Variants in ADAMTSL2 observed in about 807,000 individuals in gnomAD.
ADAMTSL2 encodes ADAMTS like 2.
In ADAMTSL2, 55 loss-of-function variants were observed where a neutral mutation model predicts 117.0. The observed-to-expected ratio is 0.47, with a 90% CI of 0.38 to 0.59. The LOEUF is 0.59. Ranked by LOEUF, ADAMTSL2 falls within the 20% of genes least tolerant of loss-of-function variation. ADAMTSL2 has a pLI of 0.00. For synonymous variants in ADAMTSL2, 572 were observed against 566.4 expected (o/e 1.01, Z -0.14); for missense variants, 1,182 against 1,354.5 (o/e 0.87, Z 2.00).
chr9:133,563,159 A>G (rs111381140), intron 12 of ADAMTSL2, among the ~76,000 whole-genome samples: 4 of 152,366 alleles, frequency 2.6e-5, no homozygotes, highest in African/African-American at 7.2e-5. Context: ...ATCCACATGA[A>G]ACAAGGAATA....
Position 133,537,503 on chromosome 9 carries a change from C to CG in ADAMTSL2, c.194dup (p.Gly66TrpfsTer74). On this transcript the variant is annotated frameshift_variant, in exon 3 of 19. Transcript: ENST00000651351. LOFTEE classifies it high-confidence loss of function. The stretch of plus-strand genomic sequence containing the variant: ...AGTGGACGGCGTGTTCCCGCAGTTG[C>CG]GGGGGTGGGGTGACATCCCAGGAGC... 2 of 1,349,610 alleles carry CG rather than the reference C, an allele frequency of 1.5e-6. No individual in the cohort carries two copies. The highest frequency in any genetic ancestry group is 4.8e-5 in the South Asian group (2 of 41,872). 83.6% of individuals were successfully genotyped at this position (1,349,610 alleles called of 1,614,324 possible). A position where few individuals can be genotyped will look rare whatever the true frequency, so the allele number is the denominator to read the frequency against.
chr9:133,570,566 G>A (rs1465631468), intron 17 of ADAMTSL2, 59 bp downstream of exon 17: 103 of 1,543,712 alleles, frequency 6.7e-5, no homozygotes, highest in Non-Finnish European at 8.3e-5. Context: ...TGTCGATCCC[G>A]CCCCTCCCGC....
intron 7 of ADAMTSL2, among the ~76,000 whole-genome samples, 167 bp downstream of exon 7, chr9:133,541,168 G>A (rs1830214286): frequency 6.6e-6 from 1 of 152,170 alleles, no homozygotes. Flanking sequence ...GTGATTGTAG[G>A]CCTCCGTTGG....
chr9:133,571,319 A>C (rs6606352), intron 17 of ADAMTSL2, among the ~76,000 whole-genome samples: 95,383 of 151,974 alleles, frequency 0.63, 31,219 homozygotes, highest in African/African-American at 0.76. Flanking sequence ...TGTCCATGGC[A>C]CTAGAGTGAA....
chr9:133,539,151 G>GT (rs1416804150), intron 4 of ADAMTSL2, among the ~76,000 whole-genome samples: 1 of 152,176 alleles, frequency 6.6e-6, no homozygotes, highest in African/African-American at 2.4e-5. Flanking sequence ...CACCGCTTCT[G>GT]TGTTGGCGTC....
chr9:133,547,239 C>G, intron 9 of ADAMTSL2, 26 bp downstream of exon 9: 1 of 1,602,664 alleles, frequency 6.2e-7, no homozygotes, highest in Non-Finnish European at 8.5e-7. Context: ...GCCTTGGGGG[C>G]CCCAGGGGCC....
chr9:133,549,704 A>G (rs1263679832), intron 9 of ADAMTSL2, among the ~76,000 whole-genome samples: 1 of 152,096 alleles, frequency 6.6e-6, no homozygotes, highest in Non-Finnish European at 1.5e-5. Context: ...TTGATGATCA[A>G]GTTCAATCAC....
intron 11 of ADAMTSL2, among the ~76,000 whole-genome samples, chr9:133,560,843 A>C (rs1830710220): frequency 6.6e-6 from 1 of 152,168 alleles, no homozygotes. Flanking sequence ...AGCTGATGTG[A>C]GAAGGTAATA....
rs376806577 is a variant in ADAMTSL2 at position 133,552,873 on chromosome 9, A to T, written c.940-1484A>T. On this transcript the variant is annotated intron_variant, in intron 9 of 18. Coordinates refer to ENST00000651351, the MANE Select transcript of ADAMTSL2 (RefSeq NM_014694.4). ...CTATGCTTCTAAGTGCCATCCTAGTAGCCTGGTAGCATTTCTCCCCACGTT... is the reference window on the plus strand; with the variant it reads ...CTATGCTTCTAAGTGCCATCCTAGTTGCCTGGTAGCATTTCTCCCCACGTT... Among the ~76,000 whole-genome samples, 1,472 of 152,318 alleles carry T rather than the reference A, an allele frequency of 9.7e-3. 46 individuals are homozygous for T. The highest frequency in any genetic ancestry group is 0.071 in the Admixed American group (1,086 of 15,300).
chr9:133,562,243 C>T (rs1243467774), intron 12 of ADAMTSL2, among the ~76,000 whole-genome samples: 6 of 152,306 alleles, frequency 3.9e-5, no homozygotes, highest in South Asian at 2.1e-4. Flanking sequence ...GAGATGGGCC[C>T]GAGAGAGGGA....
intron 9 of ADAMTSL2, among the ~76,000 whole-genome samples, chr9:133,552,369 C>T (rs894243031): frequency 2.6e-5 from 4 of 152,148 alleles, no homozygotes. Context: ...GGTGCTTTAC[C>T]AAGACCTCTG....
chr9:133,538,501 G>A, intron 4 of ADAMTSL2, 77 bp downstream of exon 4: 1 of 1,528,512 alleles, frequency 6.5e-7, no homozygotes. Context: ...TCTTCCAGGT[G>A]GCTCCTGGGC....
chr9:133,563,364 C>A (rs1830792828), intron 12 of ADAMTSL2, among the ~76,000 whole-genome samples: 8 of 152,244 alleles, frequency 5.3e-5, no homozygotes. Context: ...TTTGCCAAGT[C>A]CTTTGCGGAC....
rs755719392 is a variant in ADAMTSL2 at position 133,540,897 on chromosome 9, T to C, written c.578T>C (p.Val193Ala). The change falls in exon 7 of 19, where the codon GTG (valine) becomes GCG (alanine). Residue 193 changes from valine to alanine, a missense_variant. By Grantham distance (64) the Val-to-Ala change is moderately conservative. Coordinates refer to ENST00000651351, the MANE Select transcript of ADAMTSL2 (RefSeq NM_014694.4). Reference sequence around the variant, plus strand: ...CTGCAGCCCATCGGCTGTGACGGGGTGCTTTTCTCCACCCACACACTGGAC... The same window carrying C: ...CTGCAGCCCATCGGCTGTGACGGGGCGCTTTTCTCCACCCACACACTGGAC... ...GKCEPIGCDG[V>A]LFSTHTLDKC... The C allele has an allele frequency of 6.2e-7, 1 of 1,612,892 alleles. No individual in the cohort carries two copies. The highest frequency in any genetic ancestry group is 1.1e-5 in the South Asian group (1 of 91,062).
At chr9:133,561,597 A>G (rs945656552) in intron 12 of ADAMTSL2, among the ~76,000 whole-genome samples, 17 of 152,204 alleles carry the variant, frequency 1.1e-4, no homozygotes, top group African/African-American at 4.1e-4. Context: ...TTGTTAGGGC[A>G]AACATCCTTT....
chr9:133,540,910 C>A lies in ADAMTSL2; in HGVS notation c.591C>A (p.Thr197=). 6.2e-7 allele frequency: 1 copy of A among 1,613,436 alleles called. No homozygotes were observed. Among genetic ancestry groups the A allele is most frequent in the Non-Finnish European group, 8.5e-7 (1 of 1,180,030 alleles). ...GCTGTGACGGGGTGCTTTTCTCCAC[C>A]CACACACTGGACAAGTGTGGCATCT... ...PIGCDGVLFS[T]HTLDKCGICQ... The change falls in exon 7 of 19, where the codon ACC becomes ACA. Residue 197 remains threonine (T), a synonymous_variant. Coordinates refer to ENST00000651351, the MANE Select transcript of ADAMTSL2 (RefSeq NM_014694.4).
chr9:133,561,098 G>A (rs966844529), intron 11 of ADAMTSL2, 100 bp from the exon 12 acceptor site: 91 of 1,006,446 alleles, frequency 9.0e-5, no homozygotes, highest in African/African-American at 7.5e-4. Context: ...TGCTTCAGGC[G>A]AACATACCCT....
chr9:133,563,240 G>A (rs764343986), intron 12 of ADAMTSL2, among the ~76,000 whole-genome samples: 269 of 152,348 alleles, frequency 1.8e-3, no homozygotes, highest in Non-Finnish European at 3.1e-3. Flanking sequence ...TGCAGGGTGC[G>A]GCTTCCACCA....
intron 17 of ADAMTSL2, among the ~76,000 whole-genome samples, chr9:133,571,020 G>T (rs62574231): frequency 0.054 from 8,173 of 152,278 alleles, 337 homozygotes; most frequent in African/African-American, 0.11. Flanking sequence ...TGGCCCCTCC[G>T]AGATTCTTTG....
Sources: allele counts gnomAD v4.1 joint callset (sites outside exome capture counted in the v4.1 genomes callset), GRCh38; gene constraint gnomAD v4.1.1; transcripts MANE v1.5; gene names NCBI Gene and HGNC (gene_info 2026-07-23, HGNC 2026-07-21).